Variants in SNAP91 observed in about 807,000 individuals in gnomAD.
SNAP91 encodes the protein synaptosome associated protein 91, also known as clathrin coat assembly protein AP180.
Under a neutral mutation model 100.3 loss-of-function variants are expected in SNAP91, and 27 were observed. The ratio of observed to expected loss-of-function variants is 0.27; its 90% confidence interval spans 0.20 to 0.37. The LOEUF is 0.37. SNAP91 is among the 10% of genes least tolerant of loss of function. The pLI is 1.00. For missense variants in SNAP91, 986 were observed against 1,123.7 expected, an observed-to-expected ratio of 0.88 and a Z score of 1.75; for synonymous variants, 404 against 398.6, an observed-to-expected ratio of 1.01 and a Z score of -0.16.
intron 21 of SNAP91, among the ~76,000 whole-genome samples, 198 bp from the exon 22 acceptor site, chr6:83,591,492 TAA>T (rs1183623682): frequency 1.3e-5 from 2 of 152,180 alleles, no homozygotes; most frequent in Non-Finnish European, 2.9e-5. Context: ...TCTAAAATAT[TAA>T]CAAGTAATAC....
intron 9 of SNAP91, among the ~76,000 whole-genome samples, chr6:83,620,853 A>G (rs988469940): frequency 1.3e-5 from 2 of 151,862 alleles, no homozygotes; most frequent in African/African-American, 4.8e-5. Flanking sequence ...CCGGGACTAC[A>G]GGCACCCACC....
intron 3 of SNAP91, among the ~76,000 whole-genome samples, chr6:83,663,408 G>T (rs181144737): frequency 2.6e-5 from 4 of 152,252 alleles, no homozygotes; most frequent in African/African-American, 9.6e-5. Context: ...GAAAAGTCTT[G>T]AAGAAAATTG....
intron 3 of SNAP91, among the ~76,000 whole-genome samples, 172 bp downstream of exon 3, chr6:83,665,267 T>G (rs1586458364): frequency 6.6e-6 from 1 of 152,100 alleles, no homozygotes; most frequent in South Asian, 2.1e-4. Flanking sequence ...AGTTTATTTT[T>G]TGTTAACTAG....
intron 2 of SNAP91, among the ~76,000 whole-genome samples, chr6:83,687,696 C>T (rs761671282): frequency 4.2e-4 from 64 of 152,028 alleles, no homozygotes; most frequent in African/African-American, 1.3e-3. Context: ...TTGTTGGGAA[C>T]GGGAGAAGGA....
chr6:83,682,209 GCT>G (rs1006981920), intron 2 of SNAP91, among the ~76,000 whole-genome samples: 3 of 131,364 alleles, frequency 2.3e-5, no homozygotes, highest in African/African-American at 8.5e-5. Context: ...ACAGGGTCTC[GCT>G]CTGTTGTGCA....
chr6:83,596,796 C>T lies in SNAP91; in HGVS notation c.1325-2315G>A, dbSNP rs181343799. On this transcript the variant is annotated intron_variant, in intron 16 of 29. Transcript: ENST00000369694. ...TTAAAAAGTCTGATGACTAAAGTTA[C>T]ACAGCAAGAAAATGGCAGAGTTAGG... 8.5e-5 allele frequency among the ~76,000 whole-genome samples: 13 copies of T among 152,104 alleles called. No homozygotes were observed. In the East Asian group the frequency reaches 2.5e-3, roughly 29 times the overall value.
At chr6:83,701,152 CAGGTT>C (rs927775476) in intron 2 of SNAP91, among the ~76,000 whole-genome samples, 5 of 134,808 alleles carry the variant, frequency 3.7e-5, no homozygotes, top group East Asian at 3.1e-4. Flanking sequence ...CAAAGAATGA[CAGGTT>C]GGTTGTTGAA....
rs191752904 is a variant in SNAP91, at chr6:83,625,508, A to G, written c.766-2166T>C. On this transcript the variant is annotated intron_variant, in intron 8 of 29. Transcript: ENST00000369694. ...TGAACTACATTCCCACCAACAGTAT[A>G]TATGAGTTCCCTTTTCTCTGCAGCC... Among the ~76,000 whole-genome samples, 364 of 152,270 alleles carry G rather than the reference A, an allele frequency of 2.4e-3. 1 individual carries two copies. The highest frequency in any genetic ancestry group is 4.4e-3 in the Non-Finnish European group (297 of 68,004).
chr6:83,557,855 C>T (rs923236116), intron 28 of SNAP91, among the ~76,000 whole-genome samples: 1 of 151,552 alleles, frequency 6.6e-6, no homozygotes, highest in African/African-American at 2.4e-5. Flanking sequence ...AAGAATGCTG[C>T]GATAGTCCAG....
At chr6:83,587,754 AT>A (rs1293543564) in intron 22 of SNAP91, among the ~76,000 whole-genome samples, 2 of 152,214 alleles carry the variant, frequency 1.3e-5, no homozygotes, top group African/African-American at 4.8e-5. Flanking sequence ...TATTAGCAGA[AT>A]TTTTTTCATT....
intron 2 of SNAP91, among the ~76,000 whole-genome samples, chr6:83,669,392 A>G (rs368550709): frequency 1.2e-4 from 18 of 151,830 alleles, no homozygotes; most frequent in African/African-American, 4.1e-4. Flanking sequence ...TCTAAATGCT[A>G]TGTATAGGTC....
intron 7 of SNAP91, among the ~76,000 whole-genome samples, chr6:83,653,786 G>A (rs1488281376): frequency 4.6e-5 from 7 of 152,076 alleles, no homozygotes; most frequent in Non-Finnish European, 5.9e-5. Flanking sequence ...CTGTGTTTAG[G>A]TCTCACTTTT....
At chr6:83,652,065 C>G (rs1299349259) in intron 7 of SNAP91, among the ~76,000 whole-genome samples, 1 of 152,122 alleles carries the variant, frequency 6.6e-6, no homozygotes, top group African/African-American at 2.4e-5. Context: ...TTCTCCATCT[C>G]TCTACTCTTA....
In SNAP91 at chr6:83,641,121, A is replaced by T; in HGVS notation, c.740T>A (p.Val247Glu). 6.5e-7 allele frequency: 1 copy of T among 1,538,594 alleles called. No homozygotes were observed. The highest frequency in any genetic ancestry group is 8.7e-7 in the Non-Finnish European group (1 of 1,145,150). Residue 247 changes from valine to glutamate, a missense_variant, in exon 8 of 30, where the codon GTG becomes GAG. Coordinates refer to ENST00000369694, the MANE Select transcript of SNAP91 (RefSeq NM_001242792.2). ...YKRFLTRMTRVSEFLKVAEQV... is the reference protein window; with the variant it reads ...YKRFLTRMTRESEFLKVAEQV... ...CTCTGCAACCTTGAGAAATTCAGACACTCGTGTCATTCTAGTTAGAAATCG... is the reference window on the plus strand; with the variant it reads ...CTCTGCAACCTTGAGAAATTCAGACTCTCGTGTCATTCTAGTTAGAAATCG...
chr6:83,555,295 A>G, intron 29 of SNAP91, among the ~76,000 whole-genome samples: 1 of 152,208 alleles, frequency 6.6e-6, no homozygotes, highest in East Asian at 1.9e-4. Context: ...AAATATATGT[A>G]GCACAGCAGG....
chr6:83,588,198 A>G (rs2093109261), intron 22 of SNAP91, among the ~76,000 whole-genome samples: 1 of 152,210 alleles, frequency 6.6e-6, no homozygotes, highest in Non-Finnish European at 1.5e-5. Flanking sequence ...TGACATATGT[A>G]TACATTAAAT....
rs527379898 is a variant in SNAP91 at position 83,692,409 on chromosome 6, G to C, written c.130+15389C>G. Among the ~76,000 whole-genome samples the C allele has an allele frequency of 7.9e-5, 12 of 152,202 alleles. No individual in the cohort carries two copies. In the South Asian group the frequency reaches 2.3e-3, roughly 29 times the overall value. On this transcript the variant is annotated intron_variant, in intron 2 of 29. Coordinates refer to ENST00000369694, the MANE Select transcript of SNAP91 (RefSeq NM_001242792.2). Reference sequence around the variant, plus strand: ...GCGCACCTGTAATCGCAGGTACTCAGGAGGTTGAGGCAGAAGAATCCCTTG... The same window carrying C: ...GCGCACCTGTAATCGCAGGTACTCACGAGGTTGAGGCAGAAGAATCCCTTG...
intron 26 of SNAP91, among the ~76,000 whole-genome samples, chr6:83,570,552 GT>G (rs1431732083): frequency 2.0e-3 from 276 of 135,376 alleles, no homozygotes; most frequent in African/African-American, 7.8e-3. Flanking sequence ...GGTTTACGGG[GT>G]GGCGGGGGGG....
At chr6:83,575,782 A>AT (rs1817700942) in intron 25 of SNAP91, among the ~76,000 whole-genome samples, 1 of 152,264 alleles carries the variant, frequency 6.6e-6, no homozygotes. Flanking sequence ...ATTTCTAGAT[A>AT]TAACTTAGTG....
Sources: allele counts gnomAD v4.1 joint callset (sites outside exome capture counted in the v4.1 genomes callset), GRCh38; gene constraint gnomAD v4.1.1; transcripts MANE v1.5; gene names NCBI Gene and HGNC (gene_info 2026-07-23, HGNC 2026-07-21).